The following CSMD1 variants were observed in gnomAD, a reference collection of about 807,000 sequenced individuals.
The protein encoded by CSMD1 is CUB and Sushi multiple domains 1, also known as CUB and sushi domain-containing protein 1.
Under a neutral mutation model 417.5 loss-of-function variants are expected in CSMD1, and 213 were observed. The observed-to-expected ratio is 0.51, with a 90% confidence interval of 0.46 to 0.57. The LOEUF is 0.57. CSMD1 is among the 20% of genes least tolerant of loss of function. The pLI is 0.00. For missense variants in CSMD1, 6,923 were observed against 4,529.7 expected, an observed-to-expected ratio of 1.53 and a Z score of -15.17; for synonymous variants, 2,862 against 1,736.8, an observed-to-expected ratio of 1.65 and a Z score of -16.11.
intron 33 of CSMD1, among the ~76,000 whole-genome samples, chr8:3,194,819 G>T (rs994895800): frequency 6.6e-6 from 1 of 151,926 alleles, no homozygotes; most frequent in African/African-American, 2.4e-5. Context: ...CTTTCCAGCA[G>T]AAGACCCTGG....
At chr8:4,201,897 G>C (rs710260) in intron 3 of CSMD1, among the ~76,000 whole-genome samples, 77,935 of 143,914 alleles carry the variant, frequency 0.54, 23,441 homozygotes, top group Non-Finnish European at 0.65. Flanking sequence ...TGGGGGGGGG[G>C]GGCGCTGCAT....
intron 1 of CSMD1, among the ~76,000 whole-genome samples, chr8:4,750,756 A>C (rs927312300): frequency 6.9e-6 from 1 of 145,072 alleles, no homozygotes; most frequent in Non-Finnish European, 1.5e-5. Context: ...TTCCCAAGGA[A>C]AAAAAAAAAA....
At chr8:3,976,640 C>G (rs148988073) in intron 5 of CSMD1, among the ~76,000 whole-genome samples, 135 of 152,288 alleles carry the variant, frequency 8.9e-4, no homozygotes, top group African/African-American at 2.6e-3. Context: ...TATGACCACC[C>G]TGATCAATGT....
chr8:4,219,746 C>CTT (rs1464514600), intron 3 of CSMD1, among the ~76,000 whole-genome samples: 1 of 152,110 alleles, frequency 6.6e-6, no homozygotes, highest in Non-Finnish European at 1.5e-5. Flanking sequence ...GTTTGAATGA[C>CTT]TTCTTTTCCT....
intron 23 of CSMD1, among the ~76,000 whole-genome samples, chr8:3,324,489 T>C (rs1369275656): frequency 3.1e-5 from 4 of 130,670 alleles, no homozygotes; most frequent in East Asian, 2.3e-4. Flanking sequence ...ACTGTTAAAA[T>C]AGACACACAT....
chr8:4,184,847 C>A (rs182681369), intron 3 of CSMD1, among the ~76,000 whole-genome samples: 1 of 152,128 alleles, frequency 6.6e-6, no homozygotes, highest in African/African-American at 2.4e-5. Context: ...TAAAATACCC[C>A]AACACTTTCG....
At chr8:4,328,622 C>T (rs570254190) in intron 3 of CSMD1, among the ~76,000 whole-genome samples, 191 of 151,272 alleles carry the variant, frequency 1.3e-3, no homozygotes, top group African/African-American at 4.6e-3. Context: ...GAAATATTTA[C>T]CATGCTTACT....
At chr8:4,696,928 C>G (rs1807174095) in intron 1 of CSMD1, among the ~76,000 whole-genome samples, 1 of 152,166 alleles carries the variant, frequency 6.6e-6, no homozygotes, top group Non-Finnish European at 1.5e-5. Flanking sequence ...AATCCCAGCA[C>G]TTTAGGAGGC....
chr8:4,584,221 A>G (rs1799587492), intron 2 of CSMD1, among the ~76,000 whole-genome samples: 1 of 151,948 alleles, frequency 6.6e-6, no homozygotes, highest in African/African-American at 2.4e-5. Flanking sequence ...TGAGACCAAG[A>G]ACCCACCAAT....
At chr8:3,566,420 A>C (rs377249956) in intron 10 of CSMD1, among the ~76,000 whole-genome samples, 1 of 151,968 alleles carries the variant, frequency 6.6e-6, no homozygotes, top group Admixed American at 6.6e-5. Flanking sequence ...CCATCCCTTC[A>C]CTCTAGGCAC....
intron 1 of CSMD1, among the ~76,000 whole-genome samples, chr8:4,840,301 T>G (rs1800768039): frequency 7.0e-6 from 1 of 143,542 alleles, no homozygotes; most frequent in Admixed American, 7.2e-5. Context: ...ACTGTTACTC[T>G]TCCACCTTCT....
At chr8:2,973,998 A>T (rs369868484) in intron 56 of CSMD1, among the ~76,000 whole-genome samples, 1 of 106,900 alleles carries the variant, frequency 9.4e-6, no homozygotes, top group Non-Finnish European at 2.0e-5. Context: ...GTAGAGGATG[A>T]TGGTAGAGGA....
At chr8:3,654,631 G>C (rs931575582) in intron 7 of CSMD1, among the ~76,000 whole-genome samples, 5 of 152,202 alleles carry the variant, frequency 3.3e-5, no homozygotes, top group African/African-American at 1.2e-4. Context: ...GGCAGCCTTT[G>C]ATTTGCTAGG....
At chr8:3,670,187 C>G (rs1028472106) in intron 7 of CSMD1, among the ~76,000 whole-genome samples, 2 of 151,952 alleles carry the variant, frequency 1.3e-5, no homozygotes, top group African/African-American at 4.8e-5. Flanking sequence ...CAGACTTACA[C>G]TTAATCTGGG....
intron 5 of CSMD1, among the ~76,000 whole-genome samples, chr8:3,975,317 G>C (rs984543665): frequency 9.2e-5 from 14 of 152,080 alleles, no homozygotes; most frequent in African/African-American, 2.2e-4. Context: ...AATGCCCTTA[G>C]AACAGTTTGG....
chr8:4,040,298 C>G (rs1037941446), intron 3 of CSMD1, among the ~76,000 whole-genome samples: 7 of 152,194 alleles, frequency 4.6e-5, no homozygotes, highest in Non-Finnish European at 7.3e-5. Context: ...GTGCTAGACA[C>G]TGTTCCAAGT....
intron 4 of CSMD1, among the ~76,000 whole-genome samples, chr8:4,027,807 A>G (rs1303703256): frequency 6.6e-6 from 1 of 152,136 alleles, no homozygotes; most frequent in Non-Finnish European, 1.5e-5. Flanking sequence ...TAAGGCCAAG[A>G]CACTTGAAAT....
At chr8:3,747,020 T>C (rs899635167) in intron 6 of CSMD1, among the ~76,000 whole-genome samples, 1 of 152,192 alleles carries the variant, frequency 6.6e-6, no homozygotes, top group African/African-American at 2.4e-5. Context: ...GGAATTTTAT[T>C]TCATAAAAAT....
intron 5 of CSMD1, among the ~76,000 whole-genome samples, chr8:3,832,708 A>G (rs57441709): frequency 1.3e-5 from 2 of 152,310 alleles, no homozygotes; most frequent in African/African-American, 4.8e-5. Flanking sequence ...TTTCAGAACG[A>G]AACAAAAATA....
Sources: gnomAD v4.1 joint callset for allele counts (sites outside exome capture counted in the v4.1 genomes callset) on GRCh38, gnomAD v4.1.1 for gene constraint, MANE v1.5 for transcripts, NCBI Gene and HGNC (gene_info 2026-07-23, HGNC 2026-07-21) for gene names.